MYADM: variants seen among roughly 807,000 people sequenced by gnomAD.
The protein encoded by MYADM is myeloid associated differentiation marker.
For missense variants in MYADM, 416 were observed against 443.4 expected (o/e 0.94, Z 0.56); for synonymous variants, 224 against 210.2 (o/e 1.07, Z -0.57).
chr19:53,872,543 T>G (rs941529877), intron 2 of MYADM, among the ~76,000 whole-genome samples: 1 of 151,918 alleles, frequency 6.6e-6, no homozygotes, highest in Non-Finnish European at 1.5e-5. Flanking sequence ...GGTCTCACTC[T>G]GTCTCCCAGG....
Position 53,873,878 on chromosome 19 carries a change from T to A in MYADM, c.349T>A (p.Ser117Thr). ...CYAALFCLSA[S>T]IIYPTTYVQF... is the part of the protein sequence containing the mutation. Reference sequence around the variant, plus strand: ...TGCGGCCCTCTTCTGCCTCTCGGCCTCCATCATCTACCCCACCACCTATGT... The same window carrying A: ...TGCGGCCCTCTTCTGCCTCTCGGCCACCATCATCTACCCCACCACCTATGT... Residue 117 changes from serine to threonine, a missense_variant, in exon 3 of 3, where the codon TCC becomes ACC. Coordinates refer to ENST00000391770, the MANE Select transcript of MYADM (RefSeq NM_138373.5). The surrounding 1 kb of genome is among the most constrained non-coding windows in gnomAD (Gnocchi z 4.3). 2 of 1,613,262 alleles carry A rather than the reference T, an allele frequency of 1.2e-6. No homozygotes were observed. The highest frequency in any genetic ancestry group is 1.7e-6 in the Non-Finnish European group (2 of 1,180,028).
rs4023843 is a variant in MYADM at position 53,876,261 on chromosome 19, G to GAT, written c.*1783_*1784dup. On this transcript the variant is annotated 3_prime_UTR_variant, in exon 3 of 3. Coordinates refer to ENST00000391770, the MANE Select transcript of MYADM (RefSeq NM_138373.5). ...TGTCTGGGACTCACATACATAACGT[G>GAT]ATATATATATATATATATATAAATG... The GAT allele has an allele frequency of 0.045, 6,888 of 151,914 alleles. 413 individuals are homozygous for GAT. The highest frequency in any genetic ancestry group is 0.14 in the African/African-American group (5,482 of 39,126). 9.4% of individuals were successfully genotyped at this position (151,914 alleles called of 1,614,324 possible). A position where few individuals can be genotyped will look rare whatever the true frequency, so the allele number is the denominator to read the frequency against.
At position 53,875,422 on chromosome 19, in the gene MYADM, C is replaced by T. The variant is rs545907342; in HGVS notation, c.*924C>T. 1 of 166,888 alleles carries T rather than the reference C, an allele frequency of 6.0e-6. No homozygotes were observed. The highest frequency in any genetic ancestry group is 2.1e-4 in the South Asian group (1 of 4,808). The allele number at this position is 166,888 out of a possible 1,614,324, so 10.3% of individuals were successfully genotyped here. Reference sequence around the variant, plus strand: ...AGGCCCCGCCTGGCACTCAGCCTTGCCAGAGATTGGCTCCAGAATTTTTGC... The same window carrying T: ...AGGCCCCGCCTGGCACTCAGCCTTGTCAGAGATTGGCTCCAGAATTTTTGC... On this transcript the variant is annotated 3_prime_UTR_variant, in exon 3 of 3. Coordinates refer to ENST00000391770, the MANE Select transcript of MYADM (RefSeq NM_138373.5).
intron 2 of MYADM, among the ~76,000 whole-genome samples, chr19:53,871,593 G>A (rs2068389578): frequency 6.6e-6 from 1 of 152,118 alleles, no homozygotes; most frequent in Admixed American, 6.5e-5. Flanking sequence ...CCACGGCTGG[G>A]ATCTCTATGA....
chr19:53,874,600 C>G lies in MYADM; in HGVS notation c.*102C>G, dbSNP rs551387109. 2.2e-4 allele frequency: 292 copies of G among 1,357,736 alleles called. No homozygotes were observed. Among genetic ancestry groups the G allele is most frequent in the Non-Finnish European group, 2.6e-4 (265 of 1,008,108 alleles). 84.1% of individuals were successfully genotyped at this position (1,357,736 alleles called of 1,614,324 possible). On this transcript the variant is annotated 3_prime_UTR_variant, in exon 3 of 3. Transcript: ENST00000391770. ...TTTCCTCCGCCTTTCCTCTGTTTTC[C>G]TCTTCCTGTCTCCCCTCCCTCCCAC...
Position 53,873,835 on chromosome 19 carries a change from C to G in MYADM, c.306C>G (p.Pro102=). Reference sequence around the variant, plus strand: ...TCCCCCTGTCTTGGCGCAACTTCCCCATCACCTTCGCCTGCTATGCGGCCC... The same window carrying G: ...TCCCCCTGTCTTGGCGCAACTTCCCGATCACCTTCGCCTGCTATGCGGCCC... ...ARFPLSWRNF[P]ITFACYAALF... Residue 102 remains proline (P), a synonymous_variant, in exon 3 of 3, where the codon CCC becomes CCG. Coordinates refer to ENST00000391770, the MANE Select transcript of MYADM (RefSeq NM_138373.5). The surrounding 1 kb of genome is among the most constrained non-coding windows in gnomAD (Gnocchi z 4.3). 6.2e-7 allele frequency: 1 copy of G among 1,613,688 alleles called. No homozygotes were observed. The highest frequency in any genetic ancestry group is 8.5e-7 in the Non-Finnish European group (1 of 1,180,028).
chr19:53,869,114 T>C (rs8103284), intron 1 of MYADM: 28,185 of 152,170 alleles, frequency 0.19, 6,052 homozygotes, highest in African/African-American at 0.52. Context: ...GAATGGCGAT[T>C]AGGGAGGCCG....
chr19:53,868,117 C>T lies in MYADM; in HGVS notation c.-88+174C>T, dbSNP rs931022918. 6.6e-6 allele frequency among the ~76,000 whole-genome samples: 1 copy of T among 151,532 alleles called. No individual in the cohort carries two copies. The highest frequency in any genetic ancestry group is 2.4e-5 in the African/African-American group (1 of 41,194). ...GAGGACCTGGACTGTGGAGGTCATA[C>T]GTCTGGAAGAGTGGGGAAGGGGACC... On this transcript the variant is annotated intron_variant, in intron 1 of 2. Transcript: ENST00000391770. The surrounding 1 kb of genome is among the most constrained non-coding windows in gnomAD (Gnocchi z 6.3).
At chr19:53,869,114 T>G (rs8103284) in intron 1 of MYADM, 2 of 152,206 alleles carry the variant, frequency 1.3e-5, no homozygotes, top group Admixed American at 1.3e-4. Flanking sequence ...GAATGGCGAT[T>G]AGGGAGGCCG....
chr19:53,872,832 G>GT (rs2068420605), intron 2 of MYADM: 1 of 152,496 alleles, frequency 6.6e-6, no homozygotes, highest in African/African-American at 2.4e-5. Flanking sequence ...GTGCTATAGA[G>GT]TACAGAGTGC....
chr19:53,873,763 G>A lies in MYADM; in HGVS notation c.234G>A (p.Val78=), dbSNP rs760075756. Reference sequence around the variant, plus strand: ...TCACCTGGTGCTTCTGCTTCTCCGTGACCCTGATCATCCTCATCGTGGAGC... The same window carrying A: ...TCACCTGGTGCTTCTGCTTCTCCGTAACCCTGATCATCCTCATCGTGGAGC... ...SMFTWCFCFS[V]TLIILIVELC... Residue 78 remains valine (V), a synonymous_variant, in exon 3 of 3, where the codon GTG becomes GTA. Coordinates refer to ENST00000391770, the MANE Select transcript of MYADM (RefSeq NM_138373.5). This position sits in a 1 kb window ranked among gnomAD's most constrained non-coding sequence, Gnocchi z 4.3. The A allele has an allele frequency of 1.2e-6, 2 of 1,613,946 alleles. No individual in the cohort carries two copies. The highest frequency in any genetic ancestry group is 4.5e-5 in the East Asian group (2 of 44,872).
intron 2 of MYADM, among the ~76,000 whole-genome samples, 198 bp downstream of exon 2, chr19:53,870,036 A>G (rs1354895602): frequency 1.2e-3 from 9 of 7,518 alleles, no homozygotes; most frequent in Admixed American, 1.8e-3. Context: ...CCGAGGGAGG[A>G]GGGGCTGGGG....
At chr19:53,872,026 G>A (rs2068399861) in intron 2 of MYADM, among the ~76,000 whole-genome samples, 1 of 151,796 alleles carries the variant, frequency 6.6e-6, no homozygotes, top group Non-Finnish European at 1.5e-5. Flanking sequence ...AGCCTCCCAA[G>A]TAGCTGCGAT....
chr19:53,873,371 CAAA>C lies in MYADM; in HGVS notation c.-2-146_-2-144del, dbSNP rs112349507. On this transcript the variant is annotated intron_variant, in intron 2 of 2. Coordinates refer to ENST00000391770, the MANE Select transcript of MYADM (RefSeq NM_138373.5). The surrounding 1 kb of genome is among the most constrained non-coding windows in gnomAD (Gnocchi z 4.3). ...TGGGCCACAGAGCAAGACTCTGTCT[CAAA>C]AAAAAAAAAAGAAAAGAAAACCGAA... Among the ~76,000 whole-genome samples, 2 of 135,682 alleles carry C rather than the reference CAAA, an allele frequency of 1.5e-5. No individual in the cohort carries two copies. Among genetic ancestry groups the C allele is most frequent in the Admixed American group, 7.5e-5 (1 of 13,258 alleles). The allele number at this position is 135,682 out of a possible 152,430, so 89.0% of individuals were successfully genotyped here.
In MYADM at chr19:53,875,743, G is replaced by A. The variant is rs537813494; in HGVS notation, c.*1245G>A. 6.5e-6 allele frequency: 1 copy of A among 154,160 alleles called. No homozygotes were observed. The highest frequency in any genetic ancestry group is 2.1e-4 in the South Asian group (1 of 4,818). 9.5% of individuals were successfully genotyped at this position (154,160 alleles called of 1,614,324 possible). A position where few individuals can be genotyped will look rare whatever the true frequency, so the allele number is the denominator to read the frequency against. The stretch of plus-strand genomic sequence containing the variant: ...GGGCGCCTGTAATCCCAGGTATTTG[G>A]GGGGACTGAGACAGGAGAATCCCTT... On this transcript the variant is annotated 3_prime_UTR_variant, in exon 3 of 3. Coordinates refer to ENST00000391770, the MANE Select transcript of MYADM (RefSeq NM_138373.5).
Position 53,873,353 on chromosome 19 carries a change from CAG to C in MYADM, c.-2-172_-2-171del, listed in dbSNP as rs2068431820. 6.7e-6 allele frequency among the ~76,000 whole-genome samples: 1 copy of C among 148,966 alleles called. No individual in the cohort carries two copies. On this transcript the variant is annotated intron_variant, in intron 2 of 2. Coordinates refer to ENST00000391770, the MANE Select transcript of MYADM (RefSeq NM_138373.5). The surrounding 1 kb of genome is among the most constrained non-coding windows in gnomAD (Gnocchi z 4.3). ...TGCCAATGCACTCCAGCCTGGGCCA[CAG>C]AGCAAGACTCTGTCTCAAAAAAAAA...
intron 1 of MYADM, 72 bp from the exon 2 acceptor site, chr19:53,869,682 C>T (rs992995591): frequency 1.3e-5 from 2 of 152,518 alleles, no homozygotes; most frequent in African/African-American, 2.4e-5. Flanking sequence ...ACGTTCCTGT[C>T]TCCGCAGGGC....
chr19:53,870,610 T>C (rs1386372229), intron 2 of MYADM, among the ~76,000 whole-genome samples: 2 of 152,174 alleles, frequency 1.3e-5, no homozygotes, highest in Non-Finnish European at 2.9e-5. Flanking sequence ...AGGGAGCTGC[T>C]GTCCTGCGAC....
chr19:53,869,201 G>A (rs1231171580), intron 1 of MYADM: 2 of 152,508 alleles, frequency 1.3e-5, no homozygotes, highest in South Asian at 2.1e-4. Flanking sequence ...GCCCCTCAGA[G>A]GCCCGGGTCC....
Sources: allele counts gnomAD v4.1 joint callset (sites outside exome capture counted in the v4.1 genomes callset), GRCh38; gene constraint gnomAD v4.1.1; non-coding constraint Gnocchi (gnomAD v3.1); transcripts MANE v1.5; gene names NCBI Gene and HGNC (gene_info 2026-07-23, HGNC 2026-07-21).